The following RYR3 variants were observed in gnomAD, a reference collection of about 807,000 sequenced individuals.
The protein encoded by RYR3 is brain ryanodine receptor-calcium release channel.
RYR3 carries 207 observed loss-of-function variants against 584.3 expected under a neutral mutation model. The ratio of observed to expected loss-of-function variants is 0.35; its 90% CI spans 0.32 to 0.40. The LOEUF (loss-of-function observed/expected upper bound fraction) is 0.40, where lower values mean the gene tolerates loss of function less well. Among genes scored for constraint, RYR3 ranks in the 10% least tolerant of loss-of-function variants. The pLI is 1.00. For synonymous variants in RYR3, 2,416 were observed against 2,248.5 expected (o/e 1.07, Z -2.11); for missense variants, 5,616 against 6,089.2 (o/e 0.92, Z 2.59).
At position 33,695,792 on chromosome 15, in the gene RYR3, AT is replaced by A. The variant is rs905893354; in HGVS notation, c.5861-415del. ...CCCACCCTTAAAATACAAAAAAAAA[AT>A]TTTTTTTTTTGAGACAGAGTCTCAC... On this transcript the variant is annotated intron_variant, in intron 38 of 103. Transcript: ENST00000634891. Among the ~76,000 whole-genome samples the A allele has an allele frequency of 4.1e-3, 612 of 148,412 alleles. 4 individuals are homozygous for A. Among genetic ancestry groups the A allele is most frequent in the African/African-American group, 0.013 (542 of 40,462 alleles).
chr15:33,416,972 T>C (rs987560347), intron 1 of RYR3, among the ~76,000 whole-genome samples: 5 of 152,220 alleles, frequency 3.3e-5, no homozygotes, highest in African/African-American at 1.2e-4. Flanking sequence ...TTTATTTTTG[T>C]TGACTTTGTT....
chr15:33,645,125 C>T (rs1289724169), intron 28 of RYR3, among the ~76,000 whole-genome samples: 1 of 152,088 alleles, frequency 6.6e-6, no homozygotes, highest in Admixed American at 6.5e-5. Flanking sequence ...TCTTGTAGGA[C>T]CTATTCAATT....
intron 1 of RYR3, among the ~76,000 whole-genome samples, chr15:33,357,535 A>G (rs569500880): frequency 2.2e-4 from 33 of 152,172 alleles, no homozygotes; most frequent in African/African-American, 7.7e-4. Context: ...ACACATCCAG[A>G]TTTTCCAACT....
At chr15:33,752,559 G>C (rs1257895454) in intron 57 of RYR3, among the ~76,000 whole-genome samples, 2 of 152,144 alleles carry the variant, frequency 1.3e-5, no homozygotes, top group African/African-American at 4.8e-5. Context: ...AGGAATGCTT[G>C]TGATTTTTGC....
intron 2 of RYR3, among the ~76,000 whole-genome samples, chr15:33,482,316 T>A (rs1438154085): frequency 2.0e-5 from 3 of 152,250 alleles, no homozygotes; most frequent in Non-Finnish European, 4.4e-5. Flanking sequence ...GCTCTCATTT[T>A]TATCATCATT....
At chr15:33,345,561 T>C (rs1972352159) in intron 1 of RYR3, among the ~76,000 whole-genome samples, 1 of 152,118 alleles carries the variant, frequency 6.6e-6, no homozygotes, top group South Asian at 2.1e-4. Context: ...AGTAACAGTG[T>C]TCATTCTAGA....
chr15:33,489,235 G>A (rs2050759552), intron 2 of RYR3, among the ~76,000 whole-genome samples: 1 of 152,076 alleles, frequency 6.6e-6, no homozygotes, highest in South Asian at 2.1e-4. Context: ...AAGTTCAGGG[G>A]TACACTTGAA....
chr15:33,755,151 A>T lies in RYR3; in HGVS notation c.8486A>T (p.Asp2829Val). 6.2e-7 allele frequency: 1 copy of T among 1,611,190 alleles called. No homozygotes were observed. The change falls in exon 58 of 104, where the codon GAT (aspartate) becomes GTT (valine). Residue 2829 changes from aspartate to valine, a missense_variant. Physicochemically the swap from Asp to Val is radical, Grantham distance 152. Coordinates refer to ENST00000634891, the MANE Select transcript of RYR3 (RefSeq NM_001036.6). Reference protein sequence around the residue: ...KFLKKILKYVDSAQEFIAHLE... With the variant: ...KFLKKILKYVVSAQEFIAHLE... ...TTGAAGAAGATCCTGAAATACGTTG[A>T]TTCTGCTCAAGAATTTATTGCCCAT...
rs770640012 is a variant in RYR3, at chr15:33,738,459, A to G, written c.7525A>G (p.Asn2509Asp). ...GTTCTGCACCTCCCAGCTTCTGACG[A>G]ATCACTATGAACAGTGTTGGAAGTA... ...YCKMPLKLLTNHYEQCWKYYC... is the reference protein window; with the variant it reads ...YCKMPLKLLTDHYEQCWKYYC... Residue 2509 changes from asparagine (N) to aspartate (D), a missense_variant, in exon 50 of 104, where the codon AAT becomes GAT. By Grantham distance (23) the Asn-to-Asp change is conservative (BLOSUM62 1). Transcript: ENST00000634891. The G allele has an allele frequency of 1.9e-6, 3 of 1,613,386 alleles. No homozygotes were observed. The Admixed American group carries it at 5.0e-5, about 27-fold the overall frequency.
chr15:33,434,613 CAATA>C (rs1305827432), intron 1 of RYR3, among the ~76,000 whole-genome samples: 1 of 151,968 alleles, frequency 6.6e-6, no homozygotes, highest in Non-Finnish European at 1.5e-5. Context: ...AAGGCACAAA[CAATA>C]AAGATAAACT....
intron 1 of RYR3, among the ~76,000 whole-genome samples, chr15:33,357,870 T>A (rs1016688503): frequency 4.6e-5 from 7 of 152,182 alleles, no homozygotes; most frequent in Admixed American, 3.3e-4. Flanking sequence ...TACACGGAAG[T>A]ATTTTACATG....
At chr15:33,418,181 C>T (rs540806647) in intron 1 of RYR3, among the ~76,000 whole-genome samples, 2 of 152,148 alleles carry the variant, frequency 1.3e-5, no homozygotes, top group African/African-American at 4.8e-5. Context: ...ATCAGAATGA[C>T]ACTAGTTTTA....
intron 65 of RYR3, among the ~76,000 whole-genome samples, chr15:33,781,115 A>T (rs1343997007): frequency 6.6e-6 from 1 of 152,172 alleles, no homozygotes; most frequent in Non-Finnish European, 1.5e-5. Context: ...TTGTAAAATG[A>T]TCCTGGAACT....
rs764563866 is a variant in RYR3 at position 33,830,973 on chromosome 15, G to T, written c.11345G>T (p.Ser3782Ile). Reference sequence around the variant, plus strand: ...CTCATTTGTTTTTAGGAATCAATCAGTGATTTCTACTGGTATTATTCAGGG... The same window carrying T: ...CTCATTTGTTTTTAGGAATCAATCATTGATTTCTACTGGTATTATTCAGGG... The part of the protein sequence containing the change: ...DYLLRLQESI[S>I]DFYWYYSGKD... The change falls in exon 86 of 104, where the codon AGT (serine) becomes ATT (isoleucine). Residue 3782 changes from serine to isoleucine, a missense_variant. Physicochemically the swap from Ser to Ile is moderately radical, Grantham distance 142. Coordinates refer to ENST00000634891, the MANE Select transcript of RYR3 (RefSeq NM_001036.6). The T allele has an allele frequency of 6.2e-7, 1 of 1,613,140 alleles. No individual in the cohort carries two copies. The highest frequency in any genetic ancestry group is 1.1e-5 in the South Asian group (1 of 90,882).
At chr15:33,675,695 A>C (rs778086033) in intron 38 of RYR3, among the ~76,000 whole-genome samples, 7 of 152,224 alleles carry the variant, frequency 4.6e-5, no homozygotes, top group Non-Finnish European at 7.3e-5. Context: ...ACATTAGTTA[A>C]TATGTGCAAA....
chr15:33,642,772 C>T (rs1011853366), intron 27 of RYR3, among the ~76,000 whole-genome samples: 1 of 152,210 alleles, frequency 6.6e-6, no homozygotes, highest in Admixed American at 6.5e-5. Context: ...TGCACAGGTG[C>T]TTGTCCAAGG....
At position 33,548,161 on chromosome 15, in the gene RYR3, A is replaced by G. The variant is rs1280313063; in HGVS notation, c.772A>G (p.Thr258Ala). 8 of 1,612,724 alleles carry G rather than the reference A, an allele frequency of 5.0e-6. No homozygotes were observed. Among genetic ancestry groups the G allele is most frequent in the Non-Finnish European group, 6.8e-6 (8 of 1,179,422 alleles). Residue 258 changes from threonine (T) to alanine (A), a missense_variant, in exon 9 of 104, where the codon ACT becomes GCT. Coordinates refer to ENST00000634891, the MANE Select transcript of RYR3 (RefSeq NM_001036.6). ...ATTCTACGAAGCTGGGGGAGCTGGGACTCGAGCCAGGTCTCTTTGGAGAGT... is the reference window on the plus strand; with the variant it reads ...ATTCTACGAAGCTGGGGGAGCTGGGGCTCGAGCCAGGTCTCTTTGGAGAGT... ...RIFYEAGGAG[T>A]RARSLWRVEP...
At chr15:33,451,273 T>G (rs2047102111) in intron 1 of RYR3, among the ~76,000 whole-genome samples, 1 of 152,124 alleles carries the variant, frequency 6.6e-6, no homozygotes, top group African/African-American at 2.4e-5. Flanking sequence ...TTACCTCTAT[T>G]CAAACGGGCA....
chr15:33,373,772 A>C (rs1247756159), intron 1 of RYR3, among the ~76,000 whole-genome samples: 4 of 152,242 alleles, frequency 2.6e-5, no homozygotes, highest in Admixed American at 2.6e-4. Flanking sequence ...ATGCCTTCAA[A>C]TAGCTCCAAA....
Sources: allele counts gnomAD v4.1 joint callset (sites outside exome capture counted in the v4.1 genomes callset), GRCh38; gene constraint gnomAD v4.1.1; transcripts MANE v1.5; gene names NCBI Gene and HGNC (gene_info 2026-07-23, HGNC 2026-07-21).